The following ZNF721 variants were observed in gnomAD, a reference collection of about 807,000 sequenced individuals.
The protein encoded by ZNF721 is zinc finger protein 721.
In ZNF721, 2 loss-of-function variants were observed where a neutral mutation model predicts 2.4. That is an observed-to-expected ratio of 0.82 (90% confidence interval 0.34 to 2.58). The LOEUF (loss-of-function observed/expected upper bound fraction) is 2.58, where lower values mean the gene tolerates loss of function less well. Among genes scored for constraint, ZNF721 ranks in the 30% most tolerant of loss-of-function variants. ZNF721 has a pLI of 0.11. For missense variants in ZNF721, 1,187 were observed against 1,085.5 expected (o/e 1.09, Z -1.31); for synonymous variants, 398 against 381.8 (o/e 1.04, Z -0.50).
At chr4:496,154 G>A (rs1376039508) in intron 1 of ZNF721, among the ~76,000 whole-genome samples, 2 of 111,622 alleles carry the variant, frequency 1.8e-5, no homozygotes, top group Admixed American at 8.0e-5. Flanking sequence ...TTTTGTGTGT[G>A]GGGGGTAGAC....
intron 1 of ZNF721, among the ~76,000 whole-genome samples, chr4:478,598 T>C (rs1449068203): frequency 2.0e-5 from 3 of 152,216 alleles, no homozygotes; most frequent in Non-Finnish European, 4.4e-5. Flanking sequence ...TGCATGTACA[T>C]TCCATTTTAA....
Position 465,782 on chromosome 4 carries a change from C to CAA in ZNF721, c.34+6791_34+6792dup, listed in dbSNP as rs150785605. On this transcript the variant is annotated intron_variant, in intron 2 of 2. Coordinates refer to ENST00000511833, the MANE Select transcript of ZNF721 (RefSeq NM_133474.4). ...GATATTTTATGTCTCTTGGAAATTA[C>CAA]AAAAAAAAAACAAAACAAAACTGTA... is the stretch of plus-strand genomic sequence containing the variant. 4.5e-3 allele frequency among the ~76,000 whole-genome samples: 589 copies of CAA among 130,702 alleles called. 3 individuals carry two copies. The highest frequency in any genetic ancestry group is 0.016 in the African/African-American group (571 of 35,384). The allele number at this position is 130,702 out of a possible 152,430, so 85.7% of individuals were successfully genotyped here. A position where few individuals can be genotyped will look rare whatever the true frequency, so the allele number is the denominator to read the frequency against.
chr4:476,807 A>G (rs1715633863), intron 1 of ZNF721, among the ~76,000 whole-genome samples: 1 of 152,218 alleles, frequency 6.6e-6, no homozygotes, highest in Non-Finnish European at 1.5e-5. Flanking sequence ...AAGTCTTGAC[A>G]CACTGGCTGC....
intron 2 of ZNF721, among the ~76,000 whole-genome samples, chr4:458,773 G>C (rs1714921847): frequency 6.6e-6 from 1 of 152,090 alleles, no homozygotes; most frequent in African/African-American, 2.4e-5. Context: ...TGGAACCCAG[G>C]GGGCAGAGGC....
At chr4:474,508 A>C (rs1715574034) in intron 1 of ZNF721, among the ~76,000 whole-genome samples, 1 of 152,164 alleles carries the variant, frequency 6.6e-6, no homozygotes. Context: ...AATATTTTAC[A>C]TTTCATAACC....
intron 1 of ZNF721, among the ~76,000 whole-genome samples, chr4:489,053 A>C (rs1298033271): frequency 1.3e-5 from 2 of 152,166 alleles, no homozygotes; most frequent in African/African-American, 4.8e-5. Flanking sequence ...ACTTAGGCCT[A>C]GGTGTAATAA....
At chr4:492,374 G>T (rs891921257) in intron 1 of ZNF721, among the ~76,000 whole-genome samples, 2 of 152,058 alleles carry the variant, frequency 1.3e-5, no homozygotes, top group African/African-American at 4.8e-5. Context: ...CTAAGAAAAT[G>T]TATCTTTTCA....
chr4:447,861 C>CAT (rs1714527590), intron 2 of ZNF721, among the ~76,000 whole-genome samples: 1 of 152,128 alleles, frequency 6.6e-6, no homozygotes, highest in South Asian at 2.1e-4. Context: ...TGTGTGTATA[C>CAT]ATATGTTAAT....
chr4:480,796 A>C (rs1333021023), intron 1 of ZNF721, among the ~76,000 whole-genome samples: 1 of 136,278 alleles, frequency 7.3e-6, no homozygotes, highest in African/African-American at 2.8e-5. Flanking sequence ...ATCTATCAAG[A>C]AACTTTTAAG....
intron 1 of ZNF721, among the ~76,000 whole-genome samples, chr4:486,259 CGT>C (rs1192439038): frequency 2.6e-5 from 4 of 151,182 alleles, no homozygotes; most frequent in Non-Finnish European, 4.4e-5. Flanking sequence ...CCTGGGTTCA[CGT>C]GATTCTCCTG....
Position 440,841 on chromosome 4 carries a change from T to C in ZNF721, c.*854A>G, listed in dbSNP as rs750167622. 6.6e-6 allele frequency: 1 copy of C among 152,220 alleles called. No individual in the cohort carries two copies. Among genetic ancestry groups the C allele is most frequent in the African/African-American group, 2.4e-5 (1 of 41,442 alleles). 9.4% of individuals were successfully genotyped at this position (152,220 alleles called of 1,614,324 possible). ...CCACCATGTCCTGCTAATTTTTGTA[T>C]TTTTAGTACAGACGAGGTTTCTCCA... On this transcript the variant is annotated 3_prime_UTR_variant, in exon 3 of 3. Coordinates refer to ENST00000511833, the MANE Select transcript of ZNF721 (RefSeq NM_133474.4).
chr4:481,942 TATAAA>T (rs1417760734), intron 1 of ZNF721, among the ~76,000 whole-genome samples: 2 of 152,256 alleles, frequency 1.3e-5, no homozygotes, highest in African/African-American at 2.4e-5. Context: ...TAAAACGTCA[TATAAA>T]ATGTTACTTA....
intron 1 of ZNF721, among the ~76,000 whole-genome samples, chr4:490,728 T>TGTGCACGTGTGCATGC (rs1191898131): frequency 2.6e-5 from 4 of 152,176 alleles, no homozygotes; most frequent in African/African-American, 4.8e-5. Context: ...AGTGTGTGTG[T>TGTGCACGTGTGCATGC]GTGCACGTGT....
At chr4:450,951 AAAAAAATATATATATAT>A (rs1320423525) in intron 2 of ZNF721, among the ~76,000 whole-genome samples, 1,343 of 50,184 alleles carry the variant, frequency 0.027, 58 homozygotes, top group African/African-American at 0.036. Flanking sequence ...AAAAAAAAAA[AAAAAAATATATATATAT>A]ATATATATAT....
chr4:442,343 C>T lies in ZNF721; in HGVS notation c.2124G>A (p.Arg708=), dbSNP rs200448186. 4 of 1,613,906 alleles carry T rather than the reference C, an allele frequency of 2.5e-6. No homozygotes were observed. The highest frequency in any genetic ancestry group is 1.6e-4 in the Middle Eastern group (1 of 6,062). The part of the protein sequence containing the change: ...KCEECGKAFS[R]SRNLTTHRRV... ...TCCTATGTGTAGTAAGGTTTCTTGA[C>T]CTACTAAAGGCTTTGCCACACTCTT... Residue 708 remains arginine, a synonymous_variant, in exon 3 of 3, where the codon AGG becomes AGA. Transcript: ENST00000511833.
At chr4:464,468 C>CAA (rs57645783) in intron 2 of ZNF721, among the ~76,000 whole-genome samples, 44 of 77,900 alleles carry the variant, frequency 5.6e-4, no homozygotes, top group East Asian at 7.6e-4. Context: ...GACTCCACCT[C>CAA]AAAAAAAAAA....
chr4:498,422 A>G (rs1716409474), intron 1 of ZNF721, among the ~76,000 whole-genome samples: 1 of 152,076 alleles, frequency 6.6e-6, no homozygotes, highest in Non-Finnish European at 1.5e-5. Context: ...ATAGAATGGG[A>G]GGCAGGTTTG....
At chr4:464,241 C>T (rs939857012) in intron 2 of ZNF721, among the ~76,000 whole-genome samples, 26 of 152,016 alleles carry the variant, frequency 1.7e-4, no homozygotes, top group Non-Finnish European at 2.6e-4. Context: ...GAGGCCAAGG[C>T]GGGTGTATCA....
intron 2 of ZNF721, among the ~76,000 whole-genome samples, chr4:459,235 GCACC>G (rs1488990847): frequency 6.6e-6 from 1 of 152,086 alleles, no homozygotes; most frequent in African/African-American, 2.4e-5. Context: ...TGAAGAAACT[GCACC>G]AACTAATGGG....
Sources: gnomAD v4.1 joint callset for allele counts (sites outside exome capture counted in the v4.1 genomes callset) on GRCh38, gnomAD v4.1.1 for gene constraint, MANE v1.5 for transcripts, NCBI Gene and HGNC (gene_info 2026-07-23, HGNC 2026-07-21) for gene names.